LRRC28: variants seen among roughly 807,000 people sequenced by gnomAD.
The protein encoded by LRRC28 is leucine-rich repeat-containing protein 28.
A neutral mutation model predicts 45.7 loss-of-function variants in LRRC28; 39 were observed. The observed-to-expected ratio is 0.85, with a 90% CI of 0.66 to 1.12. The LOEUF (loss-of-function observed/expected upper bound fraction) is 1.12, where lower values mean the gene tolerates loss of function less well. Ranked by LOEUF, LRRC28 falls within the 50% of genes most tolerant of loss-of-function variation. The probability of loss-of-function intolerance (pLI) is 0.00; values close to 1 mark genes in which losing one functional copy is unlikely to be tolerated. For synonymous variants in LRRC28, 206 were observed against 178.8 expected (o/e 1.15, Z -1.22); for missense variants, 435 against 438.5 (o/e 0.99, Z 0.07).
chr15:99,257,508 T>A (rs1196165837), intron 2 of LRRC28: 1 of 407,518 alleles, frequency 2.5e-6, no homozygotes, highest in Non-Finnish European at 4.6e-6. Flanking sequence ...TGACCTTTGC[T>A]TATAAAAGTT....
At chr15:99,298,650 C>T (rs1468055119) in intron 5 of LRRC28, among the ~76,000 whole-genome samples, 1 of 152,080 alleles carries the variant, frequency 6.6e-6, no homozygotes, top group Non-Finnish European at 1.5e-5. Context: ...TGTTTTTAAT[C>T]TTTTCAAGTG....
intron 5 of LRRC28, among the ~76,000 whole-genome samples, chr15:99,296,629 A>G (rs1291213101): frequency 6.6e-6 from 1 of 152,196 alleles, no homozygotes; most frequent in African/African-American, 2.4e-5. Flanking sequence ...ATACGTAAAT[A>G]GATTTTCTCT....
intron 3 of LRRC28, among the ~76,000 whole-genome samples, chr15:99,278,601 A>G (rs2081687038): frequency 6.6e-6 from 1 of 152,242 alleles, no homozygotes; most frequent in Non-Finnish European, 1.5e-5. Context: ...CCATTAAGAA[A>G]GATGCTGGCT....
intron 6 of LRRC28, chr15:99,338,391 G>A (rs1956397978): frequency 6.6e-6 from 1 of 152,352 alleles, no homozygotes; most frequent in African/African-American, 2.4e-5. Flanking sequence ...CCTTTTTTTA[G>A]AGAACTGAAC....
rs138222836 is a variant in LRRC28, at chr15:99,353,109, A to T, written c.695+638A>T. ...GATGGCTTCATCTTCTCCTTCTACA[A>T]CGCTGGCACAGAACCACCCTAAAGT... On this transcript the variant is annotated intron_variant, in intron 7 of 9. Coordinates refer to ENST00000301981, the MANE Select transcript of LRRC28 (RefSeq NM_144598.5). Among the ~76,000 whole-genome samples, 13 of 152,278 alleles carry T rather than the reference A, an allele frequency of 8.5e-5. No individual in the cohort carries two copies. In the South Asian group the frequency reaches 2.5e-3, roughly 29 times the overall value.
Position 99,386,193 on chromosome 15 carries a change from C to T in LRRC28, c.*91C>T, listed in dbSNP as rs557122600. Reference sequence around the variant, plus strand: ...CTCTTCCATCCTGTCCTGTCCAATGCGGGGGCACTGCAGAACTCTCTAGAA... The same window carrying T: ...CTCTTCCATCCTGTCCTGTCCAATGTGGGGGCACTGCAGAACTCTCTAGAA... On this transcript the variant is annotated 3_prime_UTR_variant, in exon 10 of 10. Transcript: ENST00000301981. 807 of 993,138 alleles carry T rather than the reference C, an allele frequency of 8.1e-4. 9 individuals carry two copies. Among genetic ancestry groups the T allele is most frequent in the Middle Eastern group, 5.7e-3 (26 of 4,564 alleles). 61.5% of individuals were successfully genotyped at this position (993,138 alleles called of 1,614,324 possible).
intron 9 of LRRC28, among the ~76,000 whole-genome samples, chr15:99,370,310 A>G (rs576477426): frequency 6.6e-6 from 1 of 152,366 alleles, no homozygotes; most frequent in East Asian, 1.9e-4. Flanking sequence ...TAAACTCATA[A>G]ATACAAAATT....
intron 9 of LRRC28, among the ~76,000 whole-genome samples, chr15:99,367,872 C>T (rs979650659): frequency 7.2e-5 from 11 of 152,076 alleles, no homozygotes; most frequent in African/African-American, 2.7e-4. Context: ...TTTCAGCCCC[C>T]CTCCCCTCCC....
intron 2 of LRRC28, among the ~76,000 whole-genome samples, chr15:99,273,427 C>T (rs1206891232): frequency 2.0e-5 from 3 of 151,606 alleles, no homozygotes; most frequent in South Asian, 2.1e-4. Flanking sequence ...TTAGTAGAGA[C>T]AGGGTTTCAC....
chr15:99,377,422 T>A (rs111916261), intron 9 of LRRC28, among the ~76,000 whole-genome samples: 1 of 152,336 alleles, frequency 6.6e-6, no homozygotes, highest in East Asian at 1.9e-4. Flanking sequence ...GTTTGAGTTC[T>A]TTGTAGATTC....
At position 99,386,426 on chromosome 15, in the gene LRRC28, C is replaced by G. The variant is rs943726947; in HGVS notation, c.*324C>G. ...CCTTGGAGAACAGTGACTTGATCAT[C>G]TAGCCAGATTCCCTTTTGAACACAC... On this transcript the variant is annotated 3_prime_UTR_variant, in exon 10 of 10. Transcript: ENST00000301981. The G allele has an allele frequency of 1.2e-5, 3 of 244,500 alleles. No homozygotes were observed. Among genetic ancestry groups the G allele is most frequent in the Non-Finnish European group, 1.6e-5 (2 of 126,962 alleles). 15.1% of individuals were successfully genotyped at this position (244,500 alleles called of 1,614,324 possible). A position where few individuals can be genotyped will look rare whatever the true frequency, so the allele number is the denominator to read the frequency against.
intron 5 of LRRC28, among the ~76,000 whole-genome samples, chr15:99,289,893 ACTGCAGT>A (rs2082066857): frequency 7.5e-6 from 1 of 132,756 alleles, no homozygotes; most frequent in South Asian, 2.5e-4. Flanking sequence ...AGATTGCGCC[ACTGCAGT>A]CCGCAGTCCG....
intron 5 of LRRC28, 41 bp from the exon 6 acceptor site, chr15:99,333,882 C>A: frequency 6.3e-7 from 1 of 1,589,124 alleles, no homozygotes; most frequent in South Asian, 1.1e-5. Flanking sequence ...TATTTCAGTT[C>A]ATAAGGATGC....
chr15:99,261,947 G>A (rs1451703776), intron 2 of LRRC28, among the ~76,000 whole-genome samples: 3 of 152,116 alleles, frequency 2.0e-5, no homozygotes, highest in Non-Finnish European at 2.9e-5. Flanking sequence ...GTGAGCCACT[G>A]TGCCCGGCTG....
At chr15:99,330,025 GT>G (rs1456314476) in intron 5 of LRRC28, among the ~76,000 whole-genome samples, 1 of 152,056 alleles carries the variant, frequency 6.6e-6, no homozygotes, top group African/African-American at 2.4e-5. Context: ...GTATTGTTAG[GT>G]TTTTATGTTT....
chr15:99,330,461 GTAT>G (rs1329636880), intron 5 of LRRC28, among the ~76,000 whole-genome samples: 4 of 152,028 alleles, frequency 2.6e-5, no homozygotes, highest in Non-Finnish European at 5.9e-5. Context: ...TTTTTCTAAA[GTAT>G]TATCCATTTT....
In LRRC28 at chr15:99,386,235, T is replaced by C. The variant is rs2289558; in HGVS notation, c.*133T>C. The C allele has an allele frequency of 0.09, 64,380 of 713,874 alleles. 4,050 individuals carry two copies. The highest frequency in any genetic ancestry group is 0.25 in the African/African-American group (14,006 of 57,106). The allele number at this position is 713,874 out of a possible 1,614,324, so 44.2% of individuals were successfully genotyped here. On this transcript the variant is annotated 3_prime_UTR_variant, in exon 10 of 10. Coordinates refer to ENST00000301981, the MANE Select transcript of LRRC28 (RefSeq NM_144598.5). ...TCTCTAGAAATGTCATGATTGAGCT[T>C]CAGAGCTAAAATGCCTTCACCCTTC...
At chr15:99,282,258 C>T (rs1476701135) in intron 3 of LRRC28, among the ~76,000 whole-genome samples, 1 of 140,144 alleles carries the variant, frequency 7.1e-6, no homozygotes, top group Non-Finnish European at 1.5e-5. Flanking sequence ...GTTCCCTGAA[C>T]TCTGATATGT....
intron 5 of LRRC28, among the ~76,000 whole-genome samples, chr15:99,329,605 G>T (rs189414205): frequency 8.5e-5 from 13 of 152,310 alleles, no homozygotes; most frequent in Non-Finnish European, 7.3e-5. Context: ...TAAGCATTGG[G>T]CATGTGTGGA....
Sources: allele counts gnomAD v4.1 joint callset (sites outside exome capture counted in the v4.1 genomes callset), GRCh38; gene constraint gnomAD v4.1.1; transcripts MANE v1.5; gene names NCBI Gene and HGNC (gene_info 2026-07-23, HGNC 2026-07-21).